ITFG1: variants seen among roughly 807,000 people sequenced by gnomAD.
ITFG1 encodes the protein integrin alpha FG-GAP repeat containing 1.
A neutral mutation model predicts 81.8 loss-of-function variants in ITFG1; 34 were observed. The observed-to-expected ratio is 0.42, with a 90% CI of 0.32 to 0.55. The LOEUF (loss-of-function observed/expected upper bound fraction) is 0.55. Among genes scored for constraint, ITFG1 ranks in the 20% least tolerant of loss-of-function variants. ITFG1 has a pLI of 0.17. For synonymous variants in ITFG1, 285 were observed against 270.6 expected, an observed-to-expected ratio of 1.05 and a Z score of -0.52; for missense variants, 672 against 755.4, an observed-to-expected ratio of 0.89 and a Z score of 1.29.
chr16:47,447,016 C>G (rs1205570631), intron 5 of ITFG1, among the ~76,000 whole-genome samples: 1 of 151,974 alleles, frequency 6.6e-6, no homozygotes, highest in African/African-American at 2.4e-5. Flanking sequence ...AGTGCACCAT[C>G]ATGCTCGATT....
intron 10 of ITFG1, among the ~76,000 whole-genome samples, chr16:47,279,841 T>A (rs182684490): frequency 6.6e-6 from 1 of 152,298 alleles, no homozygotes; most frequent in East Asian, 1.9e-4. Flanking sequence ...ACTTAATATG[T>A]TTCATTTATA....
intron 8 of ITFG1, among the ~76,000 whole-genome samples, chr16:47,329,144 A>G (rs1967604228): frequency 6.6e-6 from 1 of 152,204 alleles, no homozygotes; most frequent in South Asian, 2.1e-4. Flanking sequence ...TTTACACACA[A>G]AAGCTTTCAT....
At chr16:47,333,578 T>A (rs1967664087) in intron 8 of ITFG1, among the ~76,000 whole-genome samples, 1 of 152,242 alleles carries the variant, frequency 6.6e-6, no homozygotes, top group Non-Finnish European at 1.5e-5. Flanking sequence ...TAATGAAGTA[T>A]ATAAGCACTG....
Position 47,158,939 on chromosome 16 carries a change from A to G in ITFG1, c.1713T>C (p.Ala571=), listed in dbSNP as rs1251450093. ...LTPSNIVLLT[A]IALIGVCVFI... is the part of the protein sequence containing the mutation. ...AAACACAGACACCGATGAGAGCTAT[A>G]GCAGTAAGCAGAACAATATTACTTG... The change falls in exon 17 of 18, where the codon GCT becomes GCC. Residue 571 remains alanine, a synonymous_variant. Coordinates refer to ENST00000320640, the MANE Select transcript of ITFG1 (RefSeq NM_030790.5). 5 of 1,603,942 alleles carry G rather than the reference A, an allele frequency of 3.1e-6. No individual in the cohort carries two copies. The Admixed American group carries it at 5.1e-5, about 16-fold the overall frequency.
At chr16:47,411,314 C>T (rs2151603047) in intron 6 of ITFG1, among the ~76,000 whole-genome samples, 1 of 152,200 alleles carries the variant, frequency 6.6e-6, no homozygotes, top group Non-Finnish European at 1.5e-5. Flanking sequence ...TGAAGTAGTC[C>T]TACAACCACA....
At chr16:47,268,583 G>A (rs1402760419) in intron 10 of ITFG1, among the ~76,000 whole-genome samples, 2 of 152,298 alleles carry the variant, frequency 1.3e-5, no homozygotes, top group East Asian at 1.9e-4. Flanking sequence ...GAGGATAGAT[G>A]CGGTGTTTTA....
chr16:47,338,601 C>A (rs901230158), intron 8 of ITFG1, among the ~76,000 whole-genome samples: 3 of 150,476 alleles, frequency 2.0e-5, no homozygotes, highest in Non-Finnish European at 3.0e-5. Context: ...AATTAACCAA[C>A]AGATAAAATC....
chr16:47,200,732 G>A lies in ITFG1; in HGVS notation c.1453+18136C>T, dbSNP rs114902218. Among the ~76,000 whole-genome samples, 229 of 152,170 alleles carry A rather than the reference G, an allele frequency of 1.5e-3. 2 individuals carry two copies. The highest frequency in any genetic ancestry group is 5.3e-3 in the African/African-American group (220 of 41,526). ...CTTTGGACTCCTGAAGGAGCCCCTGGGACGTTATTAGAAATGAAAATTCTG... is the reference window on the plus strand; with the variant it reads ...CTTTGGACTCCTGAAGGAGCCCCTGAGACGTTATTAGAAATGAAAATTCTG... On this transcript the variant is annotated intron_variant, in intron 14 of 17. Coordinates refer to ENST00000320640, the MANE Select transcript of ITFG1 (RefSeq NM_030790.5).
chr16:47,191,939 G>A lies in ITFG1; in HGVS notation c.1453+26929C>T, dbSNP rs115215471. 1.5e-3 allele frequency among the ~76,000 whole-genome samples: 229 copies of A among 152,316 alleles called. 2 individuals carry two copies. The highest frequency in any genetic ancestry group is 5.3e-3 in the African/African-American group (220 of 41,578). ...GCCCACCTCAGCCTCCTGTGTAGCT[G>A]AGAATACAGGCAAGTGCCATCACGT... On this transcript the variant is annotated intron_variant, in intron 14 of 17. Transcript: ENST00000320640.
chr16:47,238,058 AGT>A, intron 12 of ITFG1, 50 bp from the exon 13 acceptor site: 1 of 1,060,072 alleles, frequency 9.4e-7, no homozygotes, highest in Non-Finnish European at 1.4e-6. Context: ...TTATATTTAA[AGT>A]GAGCTCTAAT....
intron 6 of ITFG1, among the ~76,000 whole-genome samples, chr16:47,409,374 CTATATATATATATATA>C (rs1187875461): frequency 5.7e-4 from 12 of 20,988 alleles, no homozygotes; most frequent in Non-Finnish European, 6.3e-4. Flanking sequence ...TACACACACA[CTATATATATATATATA>C]TATATATATA....
chr16:47,205,889 T>TATC (rs1965492465), intron 14 of ITFG1, among the ~76,000 whole-genome samples: 1 of 150,142 alleles, frequency 6.7e-6, no homozygotes, highest in Non-Finnish European at 1.5e-5. Flanking sequence ...TCTATCTATC[T>TATC]GAGTCTAACT....
chr16:47,163,942 C>T (rs898668881), intron 14 of ITFG1, among the ~76,000 whole-genome samples: 9 of 149,186 alleles, frequency 6.0e-5, no homozygotes, highest in African/African-American at 2.1e-4. Context: ...CACACACACA[C>T]ACACACACAC....
intron 13 of ITFG1, among the ~76,000 whole-genome samples, chr16:47,234,823 G>A (rs2151533030): frequency 6.6e-6 from 1 of 152,244 alleles, no homozygotes; most frequent in Admixed American, 6.5e-5. Context: ...ATCCCCACAT[G>A]TCATGGGAGG....
chr16:47,429,306 G>A (rs1047801211), intron 5 of ITFG1, among the ~76,000 whole-genome samples: 15 of 152,164 alleles, frequency 9.9e-5, no homozygotes, highest in Non-Finnish European at 2.2e-4. Context: ...TCTTTCTATA[G>A]CGGAATAATA....
At chr16:47,285,426 C>T (rs1567445877) in intron 10 of ITFG1, among the ~76,000 whole-genome samples, 1 of 152,182 alleles carries the variant, frequency 6.6e-6, no homozygotes, top group African/African-American at 2.4e-5. Context: ...AAGTGCTTCT[C>T]TGAGTTCTGT....
chr16:47,279,220 T>C (rs1473353447), intron 10 of ITFG1, among the ~76,000 whole-genome samples: 3 of 152,308 alleles, frequency 2.0e-5, no homozygotes, highest in African/African-American at 7.2e-5. Flanking sequence ...TAACTCAATC[T>C]AGGTCACAAA....
chr16:47,303,819 G>A (rs937630443), intron 10 of ITFG1, among the ~76,000 whole-genome samples: 1 of 151,990 alleles, frequency 6.6e-6, no homozygotes, highest in Non-Finnish European at 1.5e-5. Flanking sequence ...TTGTAGAGAT[G>A]GGGTCCCACT....
chr16:47,324,849 C>G (rs1967507563), intron 8 of ITFG1, among the ~76,000 whole-genome samples: 1 of 152,070 alleles, frequency 6.6e-6, no homozygotes, highest in African/African-American at 2.4e-5. Flanking sequence ...CCTTAGTGAC[C>G]TACGAAGAGA....
Sources: allele counts gnomAD v4.1 joint callset (sites outside exome capture counted in the v4.1 genomes callset), GRCh38; gene constraint gnomAD v4.1.1; transcripts MANE v1.5; gene names NCBI Gene and HGNC (gene_info 2026-07-23, HGNC 2026-07-21).